The following ZC3H12B variants were observed in gnomAD, a reference collection of about 807,000 sequenced individuals.
The protein encoded by ZC3H12B is zinc finger CCCH-type containing 12B.
Under a neutral mutation model 43.9 loss-of-function variants are expected in ZC3H12B, and 7 were observed. That is an observed-to-expected ratio of 0.16 (90% CI 0.09 to 0.30). The LOEUF (loss-of-function observed/expected upper bound fraction) is 0.30, where lower values mean the gene tolerates loss of function less well. Among genes scored for constraint, ZC3H12B ranks in the 10% least tolerant of loss-of-function variants. ZC3H12B has a pLI of 1.00. For missense variants in ZC3H12B, 475 were observed against 670.2 expected, an observed-to-expected ratio of 0.71 and a Z score of 3.22; for synonymous variants, 222 against 241.7, an observed-to-expected ratio of 0.92 and a Z score of 0.76.
At chrX:65,198,356 T>G in the ZC3H12B span, among the ~76,000 whole-genome samples, 10 of 112,204 alleles carry the variant, frequency 8.9e-5, no homozygotes, top group East Asian at 2.0e-3. Flanking sequence ...AGATGATATC[T>G]TTATTGCTGA....
At chrX:65,388,444 G>T (rs1008157192) in intron 2 of ZC3H12B, among the ~76,000 whole-genome samples, 1 of 112,026 alleles carries the variant, frequency 8.9e-6, no homozygotes, top group Admixed American at 9.5e-5. Flanking sequence ...GGCTACTGAG[G>T]CTTGTGCATT....
At chrX:65,153,464 A>T in the ZC3H12B span, among the ~76,000 whole-genome samples, 2 of 112,588 alleles carry the variant, frequency 1.8e-5, no homozygotes, top group Admixed American at 9.4e-5. Flanking sequence ...ATGCAGCCAA[A>T]AAACACATGA....
At chrX:65,178,548 A>G in the ZC3H12B span, among the ~76,000 whole-genome samples, 1 of 112,515 alleles carries the variant, frequency 8.9e-6, no homozygotes, top group Non-Finnish European at 1.9e-5. Flanking sequence ...ATCTACAAGG[A>G]ACTTAAACAA....
chrX:65,254,142 C>A, the ZC3H12B span, among the ~76,000 whole-genome samples: 1 of 112,261 alleles, frequency 8.9e-6, no homozygotes, highest in African/African-American at 3.2e-5. Flanking sequence ...GCACTCCACC[C>A]CCCCACTGCC....
the ZC3H12B span, among the ~76,000 whole-genome samples, chrX:65,252,237 T>A: frequency 1.1e-4 from 12 of 111,530 alleles, no homozygotes; most frequent in African/African-American, 3.9e-4. Flanking sequence ...CTGGATTACA[T>A]TTATTGATTT....
At chrX:65,153,821 G>T in the ZC3H12B span, among the ~76,000 whole-genome samples, 13 of 110,589 alleles carry the variant, frequency 1.2e-4, no homozygotes, top group Non-Finnish European at 2.3e-4. Context: ...CAAAGACTTG[G>T]AACCAACCCA....
At chrX:65,263,647 G>A in the ZC3H12B span, among the ~76,000 whole-genome samples, 1 of 111,047 alleles carries the variant, frequency 9.0e-6, no homozygotes, top group Non-Finnish European at 1.9e-5. Flanking sequence ...TTAATATGCA[G>A]GTAATCTGAG....
chrX:65,425,763 T>G (rs942279358), intron 3 of ZC3H12B, among the ~76,000 whole-genome samples: 1 of 111,938 alleles, frequency 8.9e-6, no homozygotes, highest in African/African-American at 3.2e-5. Context: ...TGAATCACAT[T>G]TATTGATTTG....
chrX:65,215,181 G>A, the ZC3H12B span, among the ~76,000 whole-genome samples: 6 of 111,900 alleles, frequency 5.4e-5, no homozygotes, highest in Admixed American at 4.8e-4. Flanking sequence ...CTTTTGGAAT[G>A]GTAAATGAGC....
intron 3 of ZC3H12B, among the ~76,000 whole-genome samples, chrX:65,452,812 G>C (rs1460365992): frequency 9.3e-6 from 1 of 107,114 alleles, no homozygotes; most frequent in Non-Finnish European, 1.9e-5. Context: ...TTGCATTCCA[G>C]CCTGGGCAAC....
intron 3 of ZC3H12B, among the ~76,000 whole-genome samples, chrX:65,429,301 C>T (rs1005417012): frequency 8.9e-5 from 10 of 112,634 alleles, no homozygotes; most frequent in African/African-American, 1.3e-4. Flanking sequence ...TGTTGGTGAT[C>T]TCTTCAGCCC....
chrX:65,487,562 C>A (rs764891471), upstream of ZC3H12B, among the ~76,000 whole-genome samples: 55 of 109,617 alleles, frequency 5.0e-4, no homozygotes, highest in South Asian at 0.011. Flanking sequence ...CAAAAAAAAA[C>A]AAAAAAAATT....
At chrX:65,039,749 A>G in the ZC3H12B span, among the ~76,000 whole-genome samples, 1 of 112,124 alleles carries the variant, frequency 8.9e-6, no homozygotes, top group Non-Finnish European at 1.9e-5. Context: ...TGGTATTCAG[A>G]GGAAGAATTG....
intron 1 of ZC3H12B, among the ~76,000 whole-genome samples, chrX:65,367,805 TA>T (rs1175063817): frequency 9.0e-6 from 1 of 111,631 alleles, no homozygotes; most frequent in East Asian, 2.8e-4. Context: ...TTTTGATATC[TA>T]AATTACACCT....
the ZC3H12B span, among the ~76,000 whole-genome samples, chrX:65,346,451 C>A: frequency 9.0e-6 from 1 of 111,344 alleles, no homozygotes; most frequent in South Asian, 3.7e-4. Context: ...GCACCCCTAT[C>A]TTTCACTATA....
At chrX:65,422,598 A>G (rs2067031801) in intron 3 of ZC3H12B, among the ~76,000 whole-genome samples, 1 of 110,825 alleles carries the variant, frequency 9.0e-6, no homozygotes, top group Non-Finnish European at 1.9e-5. Flanking sequence ...CAGGTTTGTT[A>G]CATAGGTATA....
chrX:65,158,613 G>C, the ZC3H12B span, among the ~76,000 whole-genome samples: 2 of 111,542 alleles, frequency 1.8e-5, no homozygotes, highest in Non-Finnish European at 3.8e-5. Flanking sequence ...ACTTTTTGAT[G>C]GGGTTGTTTG....
chrX:65,199,645 G>C, the ZC3H12B span, among the ~76,000 whole-genome samples: 2 of 110,832 alleles, frequency 1.8e-5, no homozygotes, highest in South Asian at 7.7e-4. Flanking sequence ...TCCACTATGT[G>C]TCCATGTGTT....
At chrX:65,040,794 G>A in the ZC3H12B span, among the ~76,000 whole-genome samples, 1 of 111,114 alleles carries the variant, frequency 9.0e-6, no homozygotes, top group Non-Finnish European at 1.9e-5. Flanking sequence ...GTTTTGGGAG[G>A]GGGGAGTTGA....
Sources: gnomAD v4.1 joint callset for allele counts (sites outside exome capture counted in the v4.1 genomes callset) on GRCh38, gnomAD v4.1.1 for gene constraint, MANE v1.5 for transcripts, NCBI Gene and HGNC (gene_info 2026-07-23, HGNC 2026-07-21) for gene names.